RPTOR: variants seen among roughly 807,000 people sequenced by gnomAD.
The protein encoded by RPTOR is regulatory associated protein of MTOR complex 1, also known as regulatory-associated protein of mTOR.
RPTOR carries 21 observed loss-of-function variants against 169.9 expected under a neutral mutation model. The ratio of observed to expected loss-of-function variants is 0.12; its 90% confidence interval spans 0.09 to 0.18. The LOEUF is 0.18. Ranked by LOEUF, RPTOR falls within the 10% of genes least tolerant of loss-of-function variation. The pLI, the probability that RPTOR is intolerant of heterozygous loss-of-function variation, is 1.00. For missense variants in RPTOR, 1,133 were observed against 1,855.9 expected, an observed-to-expected ratio of 0.61 and a Z score of 7.16; for synonymous variants, 732 against 753.2, an observed-to-expected ratio of 0.97 and a Z score of 0.46.
chr17:80,893,103 A>C (rs907284375), intron 19 of RPTOR, among the ~76,000 whole-genome samples: 1 of 152,322 alleles, frequency 6.6e-6, no homozygotes, highest in East Asian at 1.9e-4. Flanking sequence ...CAGGGAGCTC[A>C]AGCGCAGCCG....
In RPTOR at chr17:80,654,100, C is replaced by T. The variant is rs559439373; in HGVS notation, c.348+10290C>T. Among the ~76,000 whole-genome samples, 5 of 152,330 alleles carry T rather than the reference C, an allele frequency of 3.3e-5. No individual in the cohort carries two copies. The South Asian group carries it at 8.3e-4, about 25-fold the overall frequency. ...GCCAGATGCCAGGCTCAGGTGGTGC[C>T]GTTTACTTCCAGCAAGAGGAGAGAG... On this transcript the variant is annotated intron_variant, in intron 3 of 33. Coordinates refer to ENST00000306801, the MANE Select transcript of RPTOR (RefSeq NM_020761.3).
At chr17:80,930,013 A>G (rs372358990) in intron 24 of RPTOR, among the ~76,000 whole-genome samples, 4 of 148,102 alleles carry the variant, frequency 2.7e-5, no homozygotes, top group African/African-American at 4.9e-5. Flanking sequence ...GCTCATCCTC[A>G]GCTCATCCCT....
chr17:80,815,855 G>A (rs932844409), intron 7 of RPTOR, among the ~76,000 whole-genome samples: 5 of 150,230 alleles, frequency 3.3e-5, no homozygotes, highest in Non-Finnish European at 7.4e-5. Context: ...AATCAGGGCT[G>A]GACAGTCCGT....
chr17:80,916,728 G>A (rs1360940950), intron 21 of RPTOR, among the ~76,000 whole-genome samples: 4 of 152,200 alleles, frequency 2.6e-5, no homozygotes, highest in East Asian at 1.9e-4. Context: ...GGCCGAGTGC[G>A]ATGGCTCACA....
intron 16 of RPTOR, 43 bp downstream of exon 16, chr17:80,884,015 GA>G: frequency 6.3e-7 from 1 of 1,578,796 alleles, no homozygotes; most frequent in Middle Eastern, 1.7e-4. Flanking sequence ...CCTGGCTGCC[GA>G]CTGCGGGGGT....
intron 24 of RPTOR, among the ~76,000 whole-genome samples, chr17:80,927,485 A>G (rs948069546): frequency 6.6e-6 from 1 of 152,170 alleles, no homozygotes; most frequent in African/African-American, 2.4e-5. Context: ...CATTGCTCTT[A>G]AACTTAAAAA....
In RPTOR at chr17:80,947,359, G is replaced by C; in HGVS notation, c.3265+8G>C. ...TTCTGCTGACGGCCACAGGTGAGCG[G>C]GGTTTGCACAGCCAGGATTGGAAGC... On this transcript the variant is annotated splice_region_variant and intron_variant, in intron 27 of 33. Transcript: ENST00000306801. The surrounding 1 kb of genome is among the most constrained non-coding windows in gnomAD (Gnocchi z 4.4). The C allele has an allele frequency of 1.3e-6, 2 of 1,549,736 alleles. No homozygotes were observed. The highest frequency in any genetic ancestry group is 8.7e-7 in the Non-Finnish European group (1 of 1,150,372).
At position 80,602,108 on chromosome 17, in the gene RPTOR, C is replaced by T. The variant is rs1475091213; in HGVS notation, c.163-23583C>T. The stretch of plus-strand genomic sequence containing the variant: ...CACACCTCCCAGACGGGGTGGTGGC[C>T]GGACAGAGGGGCTCCTCACTTCCCA... On this transcript the variant is annotated intron_variant, in intron 1 of 33. Coordinates refer to ENST00000306801, the MANE Select transcript of RPTOR (RefSeq NM_020761.3). Among the ~76,000 whole-genome samples, 10 of 62,742 alleles carry T rather than the reference C, an allele frequency of 1.6e-4. 4 individuals are homozygous for T. Among genetic ancestry groups the T allele is most frequent in the African/African-American group, 6.7e-4 (9 of 13,340 alleles). The allele number at this position is 62,742 out of a possible 152,430, so 41.2% of individuals were successfully genotyped here. A position where few individuals can be genotyped will look rare whatever the true frequency, so the allele number is the denominator to read the frequency against.
intron 4 of RPTOR, among the ~76,000 whole-genome samples, chr17:80,710,376 G>T (rs1224962408): frequency 6.6e-6 from 1 of 152,092 alleles, no homozygotes; most frequent in Admixed American, 6.5e-5. Context: ...ACTGGGTGGG[G>T]AGCGGGGAGG....
At chr17:80,920,316 G>T (rs148250100) in intron 21 of RPTOR, among the ~76,000 whole-genome samples, 113 of 152,340 alleles carry the variant, frequency 7.4e-4, no homozygotes, top group African/African-American at 2.6e-3. Context: ...CACAGCTAAA[G>T]AAAGCTCCCT....
intron 7 of RPTOR, among the ~76,000 whole-genome samples, chr17:80,813,814 A>G (rs2067296629): frequency 6.6e-6 from 1 of 152,210 alleles, no homozygotes; most frequent in African/African-American, 2.4e-5. Flanking sequence ...ACTGAATTTA[A>G]TCTGAGATGA....
intron 1 of RPTOR, among the ~76,000 whole-genome samples, chr17:80,553,494 G>A (rs7209040): frequency 0.44 from 67,153 of 152,038 alleles, 15,129 homozygotes; most frequent in Middle Eastern, 0.51. Context: ...CTGCCGCTGT[G>A]AGCCTGGCAG....
At chr17:80,846,801 G>A (rs2067736419) in intron 11 of RPTOR, among the ~76,000 whole-genome samples, 1 of 152,238 alleles carries the variant, frequency 6.6e-6, no homozygotes, top group South Asian at 2.1e-4. Context: ...TTCCTAAAGG[G>A]TTTCCTCTAA....
intron 1 of RPTOR, among the ~76,000 whole-genome samples, chr17:80,611,239 A>G (rs2065268598): frequency 6.6e-6 from 1 of 152,052 alleles, no homozygotes; most frequent in African/African-American, 2.4e-5. Context: ...GAATCATTTG[A>G]AAGTAAGTAG....
At chr17:80,681,354 C>T (rs1401822710) in intron 3 of RPTOR, among the ~76,000 whole-genome samples, 1 of 152,160 alleles carries the variant, frequency 6.6e-6, no homozygotes. Flanking sequence ...CAGAAAGTTG[C>T]GGGGCCGCGG....
chr17:80,768,701 C>T (rs887796401), intron 6 of RPTOR, among the ~76,000 whole-genome samples: 5 of 152,112 alleles, frequency 3.3e-5, no homozygotes, highest in Admixed American at 2.0e-4. Context: ...ACCTACTAAT[C>T]GACTGACTTA....
chr17:80,882,219 A>T (rs151233569), intron 14 of RPTOR, among the ~76,000 whole-genome samples: 2 of 152,214 alleles, frequency 1.3e-5, no homozygotes, highest in Admixed American at 1.3e-4. Context: ...TCAGAATGAG[A>T]GGAGAATAAG....
intron 3 of RPTOR, among the ~76,000 whole-genome samples, chr17:80,664,833 A>AT (rs2065751644): frequency 6.6e-6 from 1 of 152,046 alleles, no homozygotes; most frequent in Non-Finnish European, 1.5e-5. Context: ...AAGGAGTTGG[A>AT]TTTTTTCTTA....
chr17:80,762,153 T>G (rs1341865028), intron 6 of RPTOR, among the ~76,000 whole-genome samples: 1 of 152,152 alleles, frequency 6.6e-6, no homozygotes, highest in African/African-American at 2.4e-5. Context: ...GTAATAGAGC[T>G]CCCGTTTTAA....
Sources: allele counts gnomAD v4.1 joint callset (sites outside exome capture counted in the v4.1 genomes callset), GRCh38; gene constraint gnomAD v4.1.1; non-coding constraint Gnocchi (gnomAD v3.1); transcripts MANE v1.5; gene names NCBI Gene and HGNC (gene_info 2026-07-23, HGNC 2026-07-21).